FSTL5: variants seen among roughly 807,000 people sequenced by gnomAD.
FSTL5 encodes the protein follistatin-related protein 5.
A neutral mutation model predicts 89.1 loss-of-function variants in FSTL5; 62 were observed. The observed-to-expected ratio is 0.70, with a 90% CI of 0.57 to 0.86. The LOEUF is 0.86. Among genes scored for constraint, FSTL5 ranks in the 40% least tolerant of loss-of-function variants. The pLI is 0.00. For synonymous variants in FSTL5, 383 were observed against 346.2 expected, an observed-to-expected ratio of 1.11 and a Z score of -1.18; for missense variants, 1,057 against 1,001.6, an observed-to-expected ratio of 1.06 and a Z score of -0.75.
At chr4:161,469,695 T>A (rs1463334109) in intron 13 of FSTL5, among the ~76,000 whole-genome samples, 1 of 151,608 alleles carries the variant, frequency 6.6e-6, no homozygotes. Flanking sequence ...TGGAGTGCAG[T>A]GGTGCCATCT....
chr4:161,392,427 G>C (rs1730851650), intron 15 of FSTL5, among the ~76,000 whole-genome samples: 1 of 151,978 alleles, frequency 6.6e-6, no homozygotes, highest in South Asian at 2.1e-4. Flanking sequence ...GTCTCGCTGT[G>C]CTGCCAAGGC....
At chr4:161,800,150 A>T (rs528162786) in intron 4 of FSTL5, among the ~76,000 whole-genome samples, 15 of 151,672 alleles carry the variant, frequency 9.9e-5, no homozygotes, top group Non-Finnish European at 2.1e-4. Context: ...TAATTTCCAT[A>T]TGTAGTCTCT....
intron 12 of FSTL5, among the ~76,000 whole-genome samples, 177 bp from the exon 13 acceptor site, chr4:161,481,346 G>A (rs113349353): frequency 6.6e-6 from 1 of 151,958 alleles, no homozygotes; most frequent in African/African-American, 2.4e-5. Flanking sequence ...TGTATAGAAA[G>A]CAATGTAAAT....
intron 8 of FSTL5, among the ~76,000 whole-genome samples, chr4:161,548,516 T>G (rs1312723191): frequency 5.3e-5 from 8 of 151,854 alleles, no homozygotes; most frequent in Non-Finnish European, 1.0e-4. Flanking sequence ...GAAGACATTT[T>G]CAGTATATGC....
chr4:161,502,048 T>C (rs897308943), intron 11 of FSTL5, among the ~76,000 whole-genome samples: 2 of 152,050 alleles, frequency 1.3e-5, no homozygotes, highest in African/African-American at 4.8e-5. Context: ...CTTAACATTT[T>C]TCAGTGAATA....
chr4:161,785,754 C>T (rs1741881648), intron 4 of FSTL5, among the ~76,000 whole-genome samples: 2 of 152,124 alleles, frequency 1.3e-5, no homozygotes, highest in African/African-American at 4.8e-5. Context: ...GATTGAGGTT[C>T]AGGTTAATTT....
intron 6 of FSTL5, among the ~76,000 whole-genome samples, chr4:161,669,419 A>G (rs1384219267): frequency 2.0e-5 from 3 of 152,158 alleles, no homozygotes; most frequent in Non-Finnish European, 4.4e-5. Context: ...TAATCAAGGC[A>G]GTGTGGCACT....
intron 15 of FSTL5, among the ~76,000 whole-genome samples, chr4:161,449,969 A>T (rs2126388853): frequency 6.6e-6 from 1 of 152,272 alleles, no homozygotes; most frequent in African/African-American, 2.4e-5. Flanking sequence ...GGTAGATTAC[A>T]CTTTGTGGCC....
chr4:161,632,285 C>T (rs890315132), intron 7 of FSTL5, among the ~76,000 whole-genome samples: 30 of 152,200 alleles, frequency 2.0e-4, no homozygotes, highest in East Asian at 7.7e-4. Context: ...GAGGCTGAGA[C>T]GGGAGAATCT....
chr4:161,424,042 T>C (rs1321122724), intron 15 of FSTL5, among the ~76,000 whole-genome samples: 18 of 139,338 alleles, frequency 1.3e-4, no homozygotes, highest in Non-Finnish European at 2.3e-4. Flanking sequence ...TTTTTTTTTT[T>C]TTTTTTTTGT....
At chr4:161,916,003 T>G (rs1733827908) in intron 4 of FSTL5, among the ~76,000 whole-genome samples, 1 of 151,770 alleles carries the variant, frequency 6.6e-6, no homozygotes, top group African/African-American at 2.4e-5. Context: ...TACAAGTTCC[T>G]TCTTAAAAAA....
At chr4:161,754,293 G>T (rs181207256) in intron 6 of FSTL5, among the ~76,000 whole-genome samples, 24 of 151,966 alleles carry the variant, frequency 1.6e-4, no homozygotes, top group Admixed American at 1.6e-3. Flanking sequence ...TTGGATATTT[G>T]TACATATAAA....
At chr4:162,130,935 A>G (rs1732279460) in intron 1 of FSTL5, among the ~76,000 whole-genome samples, 1 of 152,152 alleles carries the variant, frequency 6.6e-6, no homozygotes, top group East Asian at 1.9e-4. Context: ...CACATTGAAC[A>G]TATTAGATAT....
At chr4:161,655,498 T>C (rs1007785972) in intron 7 of FSTL5, among the ~76,000 whole-genome samples, 3 of 152,146 alleles carry the variant, frequency 2.0e-5, no homozygotes, top group Non-Finnish European at 4.4e-5. Context: ...ATCTGTGATC[T>C]TTCTAGAATG....
chr4:162,142,562 G>A (rs1732791165), intron 1 of FSTL5, among the ~76,000 whole-genome samples: 1 of 152,122 alleles, frequency 6.6e-6, no homozygotes, highest in African/African-American at 2.4e-5. Flanking sequence ...AGTTTGTTGA[G>A]TTTAAAGACA....
intron 2 of FSTL5, among the ~76,000 whole-genome samples, chr4:162,086,389 A>T (rs1730318979): frequency 6.7e-6 from 1 of 150,084 alleles, no homozygotes; most frequent in Non-Finnish European, 1.5e-5. Flanking sequence ...TCAAACTTCA[A>T]TTTTGATAAT....
intron 1 of FSTL5, among the ~76,000 whole-genome samples, chr4:162,157,685 TTTAAAG>T (rs1360548396): frequency 2.6e-5 from 4 of 152,160 alleles, no homozygotes; most frequent in Admixed American, 2.0e-4. Context: ...CGCTTTCCAC[TTTAAAG>T]TTAAACATTC....
chr4:161,458,197 C>T (rs1308127843), intron 14 of FSTL5, among the ~76,000 whole-genome samples: 1 of 152,184 alleles, frequency 6.6e-6, no homozygotes, highest in African/African-American at 2.4e-5. Flanking sequence ...ATCACATCAG[C>T]AGAGCTGCCC....
At chr4:161,507,925 A>G (rs747123711) in intron 11 of FSTL5, among the ~76,000 whole-genome samples, 1 of 152,082 alleles carries the variant, frequency 6.6e-6, no homozygotes, top group Non-Finnish European at 1.5e-5. Flanking sequence ...CCTACATTCT[A>G]AGGTTTTATA....
Sources: allele counts gnomAD v4.1 joint callset (sites outside exome capture counted in the v4.1 genomes callset), GRCh38; gene constraint gnomAD v4.1.1; transcripts MANE v1.5; gene names NCBI Gene and HGNC (gene_info 2026-07-23, HGNC 2026-07-21).